The following NBDY variants were observed in gnomAD, a reference collection of about 807,000 sequenced individuals.
NBDY encodes P-body dissociating protein.
In NBDY at chrX:56,767,524, C is replaced by CCG. The variant is rs2069672944; in HGVS notation, c.*166+35329_*166+35330dup. Reference sequence around the variant, plus strand: ...CGCGGGCGGTAACACGAGCTACTCGCCGCGCTTGCGGGCCACCGGGAGTTG... The same window carrying CCG: ...CGCGGGCGGTAACACGAGCTACTCGCCGCGCGCTTGCGGGCCACCGGGAGTTG... On this transcript the variant is annotated intron_variant, in intron 2 of 2. Coordinates refer to ENST00000374922, the MANE Select transcript of NBDY (RefSeq NM_001348129.2). 2.7e-5 allele frequency among the ~76,000 whole-genome samples: 3 copies of CCG among 112,760 alleles called. 1 individual carries two copies. The South Asian group carries it at 1.1e-3, about 41-fold the overall frequency.
chrX:56,802,790 G>A (rs901894974), intron 2 of NBDY, among the ~76,000 whole-genome samples: 1 of 112,742 alleles, frequency 8.9e-6, no homozygotes, highest in African/African-American at 3.2e-5. Flanking sequence ...AACCTGGAGA[G>A]GGCCAAAGGA....
intron 2 of NBDY, among the ~76,000 whole-genome samples, chrX:56,752,241 A>G (rs1462125520): frequency 8.9e-6 from 1 of 112,175 alleles, no homozygotes; most frequent in Non-Finnish European, 1.9e-5. Context: ...TGCTGGATCA[A>G]TTGGTAGCTC....
intron 2 of NBDY, among the ~76,000 whole-genome samples, chrX:56,803,858 C>A (rs890853813): frequency 1.8e-5 from 2 of 112,034 alleles, no homozygotes; most frequent in African/African-American, 6.5e-5. Context: ...GGCCAAGGAG[C>A]GCTCACCTCA....
chrX:56,786,714 C>G (rs900976110), intron 2 of NBDY, among the ~76,000 whole-genome samples: 1 of 110,166 alleles, frequency 9.1e-6, no homozygotes, highest in East Asian at 2.8e-4. Context: ...GCTTTTGCTT[C>G]TGCTTCAGCT....
intron 2 of NBDY, among the ~76,000 whole-genome samples, chrX:56,784,206 T>C (rs183271291): frequency 5.3e-4 from 59 of 112,357 alleles, no homozygotes; most frequent in African/African-American, 1.9e-3. Context: ...GCACGACACT[T>C]GTCCCTAGGT....
At chrX:56,750,141 G>A (rs1273408014) in intron 2 of NBDY, among the ~76,000 whole-genome samples, 4 of 111,297 alleles carry the variant, frequency 3.6e-5, no homozygotes, top group South Asian at 3.8e-4. Context: ...TGAAAATGCC[G>A]ATTTTTAAAC....
chrX:56,754,887 A>G (rs1216753155), intron 2 of NBDY, among the ~76,000 whole-genome samples: 1 of 112,039 alleles, frequency 8.9e-6, no homozygotes, highest in Non-Finnish European at 1.9e-5. Context: ...AAAGGGAAAA[A>G]CAAACCAAAA....
chrX:56,743,261 GT>G (rs1028139558), intron 2 of NBDY, among the ~76,000 whole-genome samples: 2 of 109,011 alleles, frequency 1.8e-5, no homozygotes, highest in African/African-American at 3.3e-5. Context: ...ATATTGGCCT[GT>G]TTTTTTTTAA....
chrX:56,804,551 C>T (rs770277192), intron 2 of NBDY, among the ~76,000 whole-genome samples: 1 of 112,540 alleles, frequency 8.9e-6, no homozygotes, highest in African/African-American at 3.2e-5. Context: ...GGTAGCCAGG[C>T]CCCAGCCATG....
intron 2 of NBDY, among the ~76,000 whole-genome samples, chrX:56,784,408 C>A (rs1238715038): frequency 3.6e-5 from 4 of 111,807 alleles, no homozygotes; most frequent in Non-Finnish European, 7.5e-5. Context: ...AGGCACTCAT[C>A]TGTGCCCAGG....
chrX:56,761,028 G>A (rs1246586209), intron 2 of NBDY, among the ~76,000 whole-genome samples: 3 of 112,056 alleles, frequency 2.7e-5, no homozygotes, highest in African/African-American at 6.5e-5. Flanking sequence ...AGACTGGCGC[G>A]TGCCTAGAGA....
chrX:56,741,941 C>T (rs183897048), intron 2 of NBDY, among the ~76,000 whole-genome samples: 5 of 111,299 alleles, frequency 4.5e-5, no homozygotes, highest in African/African-American at 1.3e-4. Flanking sequence ...CCCATATTTT[C>T]TTGTTGTAGT....
At chrX:56,745,609 T>G (rs188871719) in intron 2 of NBDY, among the ~76,000 whole-genome samples, 129 of 111,347 alleles carry the variant, frequency 1.2e-3, no homozygotes, top group African/African-American at 4.1e-3. Context: ...TTCTCACAAT[T>G]TTCCTAACAA....
intron 2 of NBDY, among the ~76,000 whole-genome samples, chrX:56,758,456 G>T (rs1486701674): frequency 8.9e-6 from 1 of 111,765 alleles, no homozygotes; most frequent in Non-Finnish European, 1.9e-5. Flanking sequence ...ACAGACTATT[G>T]TCTGAGGCAT....
At chrX:56,785,491 A>C (rs2069722431) in intron 2 of NBDY, among the ~76,000 whole-genome samples, 1 of 111,236 alleles carries the variant, frequency 9.0e-6, no homozygotes, top group East Asian at 2.8e-4. Flanking sequence ...ACCTCCGGGT[A>C]CAGTCGTCTA....
At chrX:56,766,570 C>T (rs1324484848) in intron 2 of NBDY, among the ~76,000 whole-genome samples, 2 of 112,044 alleles carry the variant, frequency 1.8e-5, no homozygotes, top group Non-Finnish European at 3.8e-5. Flanking sequence ...CACAGGCATG[C>T]GACTGCCCAC....
intron 2 of NBDY, among the ~76,000 whole-genome samples, chrX:56,743,475 A>G (rs1199751098): frequency 9.1e-6 from 1 of 110,249 alleles, no homozygotes; most frequent in Non-Finnish European, 1.9e-5. Flanking sequence ...TGGTCTTTTC[A>G]GGTTTTGGAT....
intron 2 of NBDY, among the ~76,000 whole-genome samples, chrX:56,798,634 C>T (rs2069805826): frequency 1.8e-5 from 2 of 112,201 alleles, no homozygotes; most frequent in South Asian, 7.4e-4. Flanking sequence ...TGTCTTGGAA[C>T]GGCAGCCCTT....
intron 2 of NBDY, among the ~76,000 whole-genome samples, chrX:56,803,097 A>C (rs907766899): frequency 8.9e-6 from 1 of 111,744 alleles, no homozygotes; most frequent in Non-Finnish European, 1.9e-5. Context: ...AGTGCTGGAG[A>C]AATCCCAGGA....
Sources: gnomAD v4.1 joint callset for allele counts (sites outside exome capture counted in the v4.1 genomes callset) on GRCh38, gnomAD v4.1.1 for gene constraint, MANE v1.5 for transcripts, NCBI Gene and HGNC (gene_info 2026-07-23, HGNC 2026-07-21) for gene names.